SMOX: variants seen among roughly 807,000 people sequenced by gnomAD.
SMOX encodes flavin containing amine oxidase.
In SMOX, 22 loss-of-function variants were observed where a neutral mutation model predicts 51.0. That is an observed-to-expected ratio of 0.43 (90% CI 0.31 to 0.62). The LOEUF is 0.62. SMOX is among the 20% of genes least tolerant of loss of function. The pLI, the probability that SMOX is intolerant of heterozygous loss-of-function variation, is 0.10. For missense variants in SMOX, 566 were observed against 777.7 expected, an observed-to-expected ratio of 0.73 and a Z score of 3.24; for synonymous variants, 282 against 307.8, an observed-to-expected ratio of 0.92 and a Z score of 0.88.
At chr20:4,155,042 T>G (rs1244736714) in intron 1 of SMOX, among the ~76,000 whole-genome samples, 1 of 151,916 alleles carries the variant, frequency 6.6e-6, no homozygotes, top group African/African-American at 2.4e-5. Context: ...CGAGGGGGTA[T>G]CTTGGGTGAC....
At chr20:4,175,615 A>T (rs1978775878) in intron 2 of SMOX, among the ~76,000 whole-genome samples, 1 of 152,178 alleles carries the variant, frequency 6.6e-6, no homozygotes, top group African/African-American at 2.4e-5. Context: ...ACTTTTTGTG[A>T]ATACTAATTG....
intron 6 of SMOX, among the ~76,000 whole-genome samples, chr20:4,184,210 G>C (rs1259220670): frequency 6.7e-6 from 1 of 149,796 alleles, no homozygotes; most frequent in Non-Finnish European, 1.5e-5. Context: ...CTGCTAGGCT[G>C]GTCTTGAACT....
At chr20:4,160,939 C>G (rs1365968064) in intron 1 of SMOX, among the ~76,000 whole-genome samples, 1 of 152,184 alleles carries the variant, frequency 6.6e-6, no homozygotes, top group Non-Finnish European at 1.5e-5. Context: ...ACCCCACCCC[C>G]TCCCCGGGGC....
chr20:4,158,670 G>T (rs1233094475), intron 1 of SMOX, among the ~76,000 whole-genome samples: 1 of 152,112 alleles, frequency 6.6e-6, no homozygotes, highest in Non-Finnish European at 1.5e-5. Flanking sequence ...TCCCCATGCA[G>T]CCCCGGGGGC....
intron 1 of SMOX, among the ~76,000 whole-genome samples, chr20:4,151,240 C>T (rs1054462752): frequency 8.6e-5 from 13 of 152,028 alleles, no homozygotes; most frequent in Non-Finnish European, 1.9e-4. Flanking sequence ...TGTGCTCTGA[C>T]TCCACTGTTA....
Position 4,171,181 on chromosome 20 carries a change from C to A in SMOX, c.-26-3849C>A, listed in dbSNP as rs58844234. ...ACAGATCAAGGAGCGGATGTTATTT[C>A]TTTCTTTCTTTCCCCAAGGCGAGAG... On this transcript the variant is annotated intron_variant, in intron 1 of 6. Coordinates refer to ENST00000305958, the MANE Select transcript of SMOX (RefSeq NM_175839.3). Among the ~76,000 whole-genome samples, 1,111 of 152,286 alleles carry A rather than the reference C, an allele frequency of 7.3e-3. 16 individuals carry two copies. Among genetic ancestry groups the A allele is most frequent in the African/African-American group, 0.025 (1,039 of 41,540 alleles).
intron 1 of SMOX, among the ~76,000 whole-genome samples, chr20:4,158,919 C>T (rs1986168675): frequency 6.6e-6 from 1 of 151,976 alleles, no homozygotes; most frequent in South Asian, 2.1e-4. Flanking sequence ...AGACACCCAG[C>T]ACCACCAAGG....
rs1979527619 is a variant in SMOX at position 4,183,717 on chromosome 20, C to T, written c.1530+63C>T. On this transcript the variant is annotated intron_variant, in intron 6 of 6. Transcript: ENST00000305958. This position sits in a 1 kb window ranked among gnomAD's most constrained non-coding sequence, Gnocchi z 4.3. ...GTGTATTTTGTATGTGTGTCCGGTCCAGGGTGAGGAGGGCTAGGGTAGTGT... is the reference window on the plus strand; with the variant it reads ...GTGTATTTTGTATGTGTGTCCGGTCTAGGGTGAGGAGGGCTAGGGTAGTGT... 5 of 1,509,270 alleles carry T rather than the reference C, an allele frequency of 3.3e-6. No individual in the cohort carries two copies. Among genetic ancestry groups the T allele is most frequent in the Non-Finnish European group, 1.8e-6 (2 of 1,136,292 alleles). The allele number at this position is 1,509,270 out of a possible 1,614,324, so 93.5% of individuals were successfully genotyped here. A position where few individuals can be genotyped will look rare whatever the true frequency, so the allele number is the denominator to read the frequency against.
At position 4,182,915 on chromosome 20, in the gene SMOX, G is replaced by A; in HGVS notation, c.1369+67G>A. 1 of 1,524,798 alleles carries A rather than the reference G, an allele frequency of 6.6e-7. No homozygotes were observed. Among genetic ancestry groups the A allele is most frequent in the Non-Finnish European group, 8.8e-7 (1 of 1,140,134 alleles). The allele number at this position is 1,524,798 out of a possible 1,614,324, so 94.5% of individuals were successfully genotyped here. ...CTTCCTCACCTGCCCTCCTCTGGTG[G>A]ACCCATGGCAGCTCTCTCCTCCCCA... On this transcript the variant is annotated intron_variant, in intron 5 of 6. Coordinates refer to ENST00000305958, the MANE Select transcript of SMOX (RefSeq NM_175839.3). This position sits in a 1 kb window ranked among gnomAD's most constrained non-coding sequence, Gnocchi z 8.4.
rs1986583509 is a variant in SMOX, at chr20:4,166,652, A to T, written c.-26-8378A>T. Among the ~76,000 whole-genome samples, 1 of 152,208 alleles carries T rather than the reference A, an allele frequency of 6.6e-6. No homozygotes were observed. Among genetic ancestry groups the T allele is most frequent in the South Asian group, 2.1e-4 (1 of 4,830 alleles). On this transcript the variant is annotated intron_variant, in intron 1 of 6. Transcript: ENST00000305958. The surrounding 1 kb of genome is among the most constrained non-coding windows in gnomAD (Gnocchi z 4.2). ...TCCCAGGCAAAAGGGTCCTGAAACAATGAACCTCGGTGGTATGCAGGACAC... is the reference window on the plus strand; with the variant it reads ...TCCCAGGCAAAAGGGTCCTGAAACATTGAACCTCGGTGGTATGCAGGACAC...
intron 1 of SMOX, among the ~76,000 whole-genome samples, chr20:4,173,231 C>T (rs1444379035): frequency 2.0e-5 from 3 of 152,202 alleles, no homozygotes; most frequent in African/African-American, 7.2e-5. Flanking sequence ...CCCCTTCAGT[C>T]ATCTCCCTGC....
chr20:4,157,965 A>T (rs1222040659), intron 1 of SMOX, among the ~76,000 whole-genome samples: 1 of 151,842 alleles, frequency 6.6e-6, no homozygotes, highest in Admixed American at 6.6e-5. Flanking sequence ...CAGCGGCGCG[A>T]TCTCGGCTCA....
At chr20:4,186,686 T>C in intron 6 of SMOX, 4 of 773,422 alleles carry the variant, frequency 5.2e-6, no homozygotes, top group Non-Finnish European at 9.7e-6. Flanking sequence ...CAAACACCCA[T>C]TCCATCACAT....
intron 1 of SMOX, among the ~76,000 whole-genome samples, chr20:4,157,336 G>T (rs1986063779): frequency 1.3e-5 from 2 of 152,196 alleles, no homozygotes; most frequent in Non-Finnish European, 2.9e-5. Context: ...TCGTGGACAT[G>T]AGGGAAGAAA....
chr20:4,186,633 C>G, intron 6 of SMOX: 1 of 699,026 alleles, frequency 1.4e-6, no homozygotes, highest in Non-Finnish European at 2.6e-6. Flanking sequence ...TTTGTGGGAT[C>G]CCCTGACACT....
Position 4,183,347 on chromosome 20 carries a change from T to C in SMOX, c.1370-147T>C. On this transcript the variant is annotated intron_variant, in intron 5 of 6. Coordinates refer to ENST00000305958, the MANE Select transcript of SMOX (RefSeq NM_175839.3). This position sits in a 1 kb window ranked among gnomAD's most constrained non-coding sequence, Gnocchi z 4.3. Reference sequence around the variant, plus strand: ...CAGCTCGAGCCCCAGCCTCCCTCCTTCCTCTTCTATCCTCCGTGCCTACCC... The same window carrying C: ...CAGCTCGAGCCCCAGCCTCCCTCCTCCCTCTTCTATCCTCCGTGCCTACCC... 8.3e-7 allele frequency: 1 copy of C among 1,204,522 alleles called. No individual in the cohort carries two copies. Among genetic ancestry groups the C allele is most frequent in the Non-Finnish European group, 1.2e-6 (1 of 829,244 alleles). The allele number at this position is 1,204,522 out of a possible 1,614,324, so 74.6% of individuals were successfully genotyped here.
rs1985587314 is a variant in SMOX, at chr20:4,149,069, G to T, written c.-27+92G>T. On this transcript the variant is annotated intron_variant, in intron 1 of 6. Transcript: ENST00000305958. The surrounding 1 kb of genome is among the most constrained non-coding windows in gnomAD (Gnocchi z 6.0). Reference sequence around the variant, plus strand: ...TGCGGCCGCCGCGAGAGGGTGAGGGGCCCGGAGCGGTCCCCGAGGGCTCGG... The same window carrying T: ...TGCGGCCGCCGCGAGAGGGTGAGGGTCCCGGAGCGGTCCCCGAGGGCTCGG... 6.7e-6 allele frequency: 1 copy of T among 150,230 alleles called. No individual in the cohort carries two copies. The highest frequency in any genetic ancestry group is 1.5e-5 in the Non-Finnish European group (1 of 67,324). The allele number at this position is 150,230 out of a possible 1,614,324, so 9.3% of individuals were successfully genotyped here.
Position 4,186,908 on chromosome 20 carries a change from C to T in SMOX, c.1531-362C>T, listed in dbSNP as rs145609240. ...TAAGTGCTTTAGATACATGATTTCC[C>T]TTAATCCTTACAACCACCCTCCGAA... On this transcript the variant is annotated intron_variant, in intron 6 of 6. Coordinates refer to ENST00000305958, the MANE Select transcript of SMOX (RefSeq NM_175839.3). 6 of 740,782 alleles carry T rather than the reference C, an allele frequency of 8.1e-6. No individual in the cohort carries two copies. In the East Asian group the frequency reaches 1.5e-4, roughly 18 times the overall value. 45.9% of individuals were successfully genotyped at this position (740,782 alleles called of 1,614,324 possible).
intron 1 of SMOX, among the ~76,000 whole-genome samples, chr20:4,165,344 G>A (rs764843732): frequency 1.3e-5 from 2 of 151,980 alleles, no homozygotes; most frequent in African/African-American, 2.4e-5. Flanking sequence ...CTGAGCCACC[G>A]CACCCGGCCC....
Sources: allele counts gnomAD v4.1 joint callset (sites outside exome capture counted in the v4.1 genomes callset), GRCh38; gene constraint gnomAD v4.1.1; non-coding constraint Gnocchi (gnomAD v3.1); transcripts MANE v1.5; gene names NCBI Gene and HGNC (gene_info 2026-07-23, HGNC 2026-07-21).